The following TACC1 variants were observed in gnomAD, a reference collection of about 807,000 sequenced individuals.
The protein encoded by TACC1 is transforming acidic coiled-coil-containing protein 1.
In TACC1, 48 loss-of-function variants were observed where a neutral mutation model predicts 84.4. The ratio of observed to expected loss-of-function variants is 0.57; its 90% CI spans 0.45 to 0.72. The LOEUF is 0.72. Ranked by LOEUF, TACC1 falls within the 30% of genes least tolerant of loss-of-function variation. The pLI is 0.00. For missense variants in TACC1, 920 were observed against 973.0 expected (o/e 0.95, Z 0.72); for synonymous variants, 372 against 376.3 (o/e 0.99, Z 0.13).
Position 38,836,242 on chromosome 8 carries a change from C to T in TACC1, c.1794C>T (p.Leu598=), listed in dbSNP as rs1830209897. The change falls in exon 7 of 13, where the codon CTC becomes CTT. Residue 598 remains leucine, a synonymous_variant. Coordinates refer to ENST00000317827, the MANE Select transcript of TACC1 (RefSeq NM_006283.3). ...AGAGCCCCCTGGATGGGATCTGCCT[C>T]AGCGAATCAGACAAGACAGCCGTGC... is the stretch of plus-strand genomic sequence containing the variant. ...GGESPLDGIC[L]SESDKTAVLT... 6.2e-7 allele frequency: 1 copy of T among 1,612,684 alleles called. No individual in the cohort carries two copies.
At chr8:38,812,130 C>T (rs1471358176) in intron 2 of TACC1, among the ~76,000 whole-genome samples, 2 of 152,166 alleles carry the variant, frequency 1.3e-5, no homozygotes, top group Admixed American at 6.5e-5. Context: ...TGCTCTCGAA[C>T]CCTGTTTTCT....
chr8:38,823,345 C>G (rs911936066), intron 3 of TACC1, among the ~76,000 whole-genome samples: 1 of 152,152 alleles, frequency 6.6e-6, no homozygotes, highest in African/African-American at 2.4e-5. Flanking sequence ...AGGTTGGTTA[C>G]TCCTCTCTAG....
chr8:38,745,521 T>G lies in TACC1; in HGVS notation c.26+28T>G, dbSNP rs148261644. ...AAGGGTTTTAATTTTTGTTTTCTTG[T>G]TTTTTTTCTGTTTGTTTGTTTGTTT... On this transcript the variant is annotated intron_variant, in intron 3 of 14. Transcript: ENST00000518415. 1,244 of 684,300 alleles carry G rather than the reference T, an allele frequency of 1.8e-3. 14 individuals are homozygous for G. In the African/African-American group the frequency reaches 0.02, roughly 11 times the overall value. The allele number at this position is 684,300 out of a possible 1,614,324, so 42.4% of individuals were successfully genotyped here.
chr8:38,739,089 C>T (rs1357745845), intron 1 of TACC1, among the ~76,000 whole-genome samples: 1 of 152,166 alleles, frequency 6.6e-6, no homozygotes, highest in Non-Finnish European at 1.5e-5. Context: ...TGGGGTTTCC[C>T]CATGTTGACC....
At chr8:38,818,603 A>G (rs1825960348) in intron 2 of TACC1, among the ~76,000 whole-genome samples, 1 of 152,228 alleles carries the variant, frequency 6.6e-6, no homozygotes, top group Admixed American at 6.5e-5. Context: ...GTGTCTTAGT[A>G]AAATAAGGGC....
At chr8:38,754,248 G>C (rs190461987) in intron 3 of TACC1, among the ~76,000 whole-genome samples, 1 of 152,078 alleles carries the variant, frequency 6.6e-6, no homozygotes, top group African/African-American at 2.4e-5. Context: ...CACCGCGCCC[G>C]GCCTTTTTCC....
At chr8:38,756,527 G>A (rs1452664002) in intron 3 of TACC1, among the ~76,000 whole-genome samples, 1 of 152,112 alleles carries the variant, frequency 6.6e-6, no homozygotes, top group African/African-American at 2.4e-5. Context: ...TAGCTGGATC[G>A]CAGATGAGAT....
chr8:38,842,434 A>C lies in TACC1; in HGVS notation c.2108A>C (p.Glu703Ala). 6.2e-7 allele frequency: 1 copy of C among 1,611,554 alleles called. No homozygotes were observed. Among genetic ancestry groups the C allele is most frequent in the Non-Finnish European group, 8.5e-7 (1 of 1,179,250 alleles). The change falls in exon 10 of 13, where the codon GAA (glutamate) becomes GCA (alanine). Residue 703 changes from glutamate to alanine, a missense_variant. Coordinates refer to ENST00000317827, the MANE Select transcript of TACC1 (RefSeq NM_006283.3). ...RRYENLKGVL[E>A]GFKKNEEALK... The stretch of plus-strand genomic sequence containing the variant: ...TATGAGAACCTGAAAGGTGTTCTGG[A>C]AGGGTTCAAGAAGGTAGAGTGTTTT...
At chr8:38,808,729 C>T (rs1823342853) in intron 2 of TACC1, among the ~76,000 whole-genome samples, 1 of 152,190 alleles carries the variant, frequency 6.6e-6, no homozygotes, top group African/African-American at 2.4e-5. Context: ...TGTTTTAGGG[C>T]AGCACTAGGT....
Position 38,852,066 on chromosome 8 carries a change from C to G in TACC1, c.*4043C>G, listed in dbSNP as rs1833171557. On this transcript the variant is annotated 3_prime_UTR_variant, in exon 13 of 13. Coordinates refer to ENST00000317827, the MANE Select transcript of TACC1 (RefSeq NM_006283.3). Reference sequence around the variant, plus strand: ...AAGGATCTCCTCTGGAAGAGACTATCAGCGGCAGCATTCTCCAGGGAAGAC... The same window carrying G: ...AAGGATCTCCTCTGGAAGAGACTATGAGCGGCAGCATTCTCCAGGGAAGAC... The G allele has an allele frequency of 4.8e-6, 2 of 414,466 alleles. No homozygotes were observed. The highest frequency in any genetic ancestry group is 9.8e-6 in the Non-Finnish European group (2 of 203,376). 25.7% of individuals were successfully genotyped at this position (414,466 alleles called of 1,614,324 possible). A position where few individuals can be genotyped will look rare whatever the true frequency, so the allele number is the denominator to read the frequency against.
intron 2 of TACC1, among the ~76,000 whole-genome samples, chr8:38,807,332 G>A: frequency 6.6e-6 from 1 of 152,184 alleles, no homozygotes; most frequent in East Asian, 1.9e-4. Flanking sequence ...TTGTTTATGT[G>A]TTTTGAGGTC....
At chr8:38,819,464 A>T in intron 2 of TACC1, 58 bp from the exon 3 acceptor site, 2 of 1,506,302 alleles carry the variant, frequency 1.3e-6, no homozygotes, top group Non-Finnish European at 9.0e-7. Flanking sequence ...CAGGTAAGAG[A>T]GGATACTTAC....
intron 3 of TACC1, among the ~76,000 whole-genome samples, chr8:38,752,908 T>A (rs775701699): frequency 3.9e-5 from 6 of 152,210 alleles, no homozygotes; most frequent in Non-Finnish European, 8.8e-5. Flanking sequence ...ATTACGAAAT[T>A]TCTCAGTCAC....
At chr8:38,757,523 G>A (rs901735642) in intron 3 of TACC1, 2 of 1,093,750 alleles carry the variant, frequency 1.8e-6, no homozygotes, top group Non-Finnish European at 2.2e-6. Context: ...TCCCGCTGGC[G>A]GCAGCGGGGC....
intron 1 of TACC1, among the ~76,000 whole-genome samples, chr8:38,735,102 C>G (rs1018489666): frequency 1.3e-5 from 2 of 152,198 alleles, no homozygotes; most frequent in Admixed American, 1.3e-4. Context: ...ACACAGCTGT[C>G]AGGACTTGAG....
At chr8:38,775,665 C>T (rs1333251860) in intron 3 of TACC1, among the ~76,000 whole-genome samples, 3 of 152,154 alleles carry the variant, frequency 2.0e-5, no homozygotes, top group Non-Finnish European at 2.9e-5. Context: ...TTAATATTCT[C>T]ACATTGGAGT....
chr8:38,809,232 T>C (rs1464107554), intron 2 of TACC1, among the ~76,000 whole-genome samples: 1 of 152,038 alleles, frequency 6.6e-6, no homozygotes, highest in Non-Finnish European at 1.5e-5. Context: ...TTGACTGATG[T>C]AGGAACACAA....
upstream of TACC1, among the ~76,000 whole-genome samples, chr8:38,786,985 C>T (rs1056122676): frequency 3.3e-5 from 5 of 151,980 alleles, no homozygotes; most frequent in African/African-American, 1.2e-4. Flanking sequence ...CGGTCCTCCT[C>T]TGCCCCGGAC....
chr8:38,757,315 G>C, intron 3 of TACC1: 1 of 1,262,722 alleles, frequency 7.9e-7, no homozygotes, highest in Non-Finnish European at 1.0e-6. Context: ...GTGCAGCCCC[G>C]GCCCCAAGTT....
Sources: allele counts gnomAD v4.1 joint callset (sites outside exome capture counted in the v4.1 genomes callset), GRCh38; gene constraint gnomAD v4.1.1; transcripts MANE v1.5; gene names NCBI Gene and HGNC (gene_info 2026-07-23, HGNC 2026-07-21).